The following TASP1 variants were observed in gnomAD, a reference collection of about 807,000 sequenced individuals.
The protein encoded by TASP1 is taspase 1.
In TASP1, 16 loss-of-function variants were observed where a neutral mutation model predicts 56.6. The ratio of observed to expected loss-of-function variants is 0.28; its 90% confidence interval spans 0.19 to 0.43. TASP1 has a LOEUF of 0.43. TASP1 is among the 20% of genes least tolerant of loss of function. TASP1 has a pLI of 1.00. For missense variants in TASP1, 393 were observed against 511.6 expected, an observed-to-expected ratio of 0.77 and a Z score of 2.24; for synonymous variants, 179 against 184.2, an observed-to-expected ratio of 0.97 and a Z score of 0.23.
At chr20:13,316,086 C>T in the TASP1 span, among the ~76,000 whole-genome samples, 1 of 151,856 alleles carries the variant, frequency 6.6e-6, no homozygotes, top group South Asian at 2.1e-4. Flanking sequence ...GTACAAATTA[C>T]TAATATCAGA....
At chr20:13,342,888 C>T in the TASP1 span, among the ~76,000 whole-genome samples, 5 of 152,216 alleles carry the variant, frequency 3.3e-5, no homozygotes, top group Admixed American at 3.3e-4. Context: ...TCACCCCTTC[C>T]AAAAACCCAC....
the TASP1 span, among the ~76,000 whole-genome samples, chr20:13,357,999 A>C: frequency 1.3e-5 from 2 of 152,278 alleles, no homozygotes; most frequent in South Asian, 4.1e-4. Context: ...GCCGCACCTT[A>C]ACTGATGAAA....
At chr20:13,577,921 G>C (rs192252862) in intron 6 of TASP1, among the ~76,000 whole-genome samples, 3 of 152,172 alleles carry the variant, frequency 2.0e-5, no homozygotes, top group Admixed American at 1.3e-4. Context: ...AGCCATTGAT[G>C]GATATTTAGG....
chr20:13,293,416 T>A, the TASP1 span, among the ~76,000 whole-genome samples: 9 of 152,194 alleles, frequency 5.9e-5, no homozygotes, highest in South Asian at 1.2e-3. Context: ...ATTCCTTCTG[T>A]CCCATATCTT....
chr20:13,396,047 T>C (rs1304732382), intron 13 of TASP1, among the ~76,000 whole-genome samples: 1 of 152,158 alleles, frequency 6.6e-6, no homozygotes, highest in Non-Finnish European at 1.5e-5. Context: ...CTTAAATGAC[T>C]AAGTCCAGAG....
At chr20:13,235,821 T>C in the TASP1 span, among the ~76,000 whole-genome samples, 1 of 152,182 alleles carries the variant, frequency 6.6e-6, no homozygotes, top group African/African-American at 2.4e-5. Context: ...CTTTCCCTGA[T>C]GAAAGGGCAC....
At chr20:13,292,444 C>T in the TASP1 span, 12 of 1,601,882 alleles carry the variant, frequency 7.5e-6, no homozygotes, top group Non-Finnish European at 1.0e-5. Flanking sequence ...AGTTTAATGC[C>T]ACCAAACTGT....
the TASP1 span, among the ~76,000 whole-genome samples, chr20:13,340,689 C>T: frequency 6.6e-6 from 1 of 152,150 alleles, no homozygotes; most frequent in African/African-American, 2.4e-5. Flanking sequence ...ATTCCACTCT[C>T]TTAGTGATTT....
the TASP1 span, among the ~76,000 whole-genome samples, chr20:13,253,536 T>G: frequency 6.6e-6 from 1 of 152,188 alleles, no homozygotes; most frequent in Non-Finnish European, 1.5e-5. Flanking sequence ...GTTCCTCACC[T>G]TCTCTTGGTG....
the TASP1 span, among the ~76,000 whole-genome samples, chr20:13,150,532 G>A: frequency 0.015 from 2,313 of 152,220 alleles, 25 homozygotes; most frequent in South Asian, 0.027. Flanking sequence ...CCAAAGTAAA[G>A]GTTTTCAATG....
intron 11 of TASP1, among the ~76,000 whole-genome samples, chr20:13,477,058 G>A (rs867121137): frequency 6.6e-6 from 1 of 152,228 alleles, no homozygotes; most frequent in South Asian, 2.1e-4. Context: ...AGAAATTCAT[G>A]AAATGATGAT....
chr20:13,356,824 G>A, the TASP1 span, among the ~76,000 whole-genome samples: 1 of 152,260 alleles, frequency 6.6e-6, no homozygotes, highest in African/African-American at 2.4e-5. Flanking sequence ...AGTCTGTCAA[G>A]GTGGTGCTCT....
rs1290952713 is a variant in TASP1, at chr20:13,584,760, A to AGCTT, written c.403+2489_403+2490insAAGC. On this transcript the variant is annotated intron_variant, in intron 5 of 13. Transcript: ENST00000337743. ...TGGCCACAGTGGAATTAAACTAGAA[A>AGCTT]TCAACAAAGAAAGCTAACTAAAATG... Among the ~76,000 whole-genome samples the AGCTT allele has an allele frequency of 5.0e-4, 76 of 152,330 alleles. 1 individual carries two copies. The East Asian group carries it at 0.01, about 20-fold the overall frequency.
the TASP1 span, among the ~76,000 whole-genome samples, chr20:13,330,951 G>C: frequency 2.0e-5 from 3 of 152,052 alleles, no homozygotes; most frequent in African/African-American, 7.2e-5. Flanking sequence ...CAAAGAACCA[G>C]CTTTTGGTTT....
At chr20:13,216,404 G>T in the TASP1 span, among the ~76,000 whole-genome samples, 6 of 152,182 alleles carry the variant, frequency 3.9e-5, no homozygotes, top group Non-Finnish European at 1.5e-5. Context: ...TAGGACAGCG[G>T]TTGACAAACT....
At chr20:13,142,112 C>A in the TASP1 span, among the ~76,000 whole-genome samples, 17 of 152,300 alleles carry the variant, frequency 1.1e-4, no homozygotes, top group Middle Eastern at 3.4e-3. Flanking sequence ...AAAGAGTTAG[C>A]CAAGGGTAGA....
At chr20:13,422,053 G>A (rs867289037) in intron 12 of TASP1, among the ~76,000 whole-genome samples, 3 of 147,600 alleles carry the variant, frequency 2.0e-5, no homozygotes, top group South Asian at 2.1e-4. Flanking sequence ...CCGGGTTCAC[G>A]CCATTCTCCT....
At chr20:13,580,745 CT>C (rs2047091257) in intron 6 of TASP1, 151 bp downstream of exon 6, 1 of 661,886 alleles carries the variant, frequency 1.5e-6, no homozygotes, top group Non-Finnish European at 2.6e-6. Context: ...CTATCCAAAA[CT>C]TTATTAGCTG....
chr20:13,594,102 T>C (rs1187753613), intron 4 of TASP1, among the ~76,000 whole-genome samples: 1 of 152,160 alleles, frequency 6.6e-6, no homozygotes, highest in African/African-American at 2.4e-5. Context: ...AGTGGACCTC[T>C]AGCAAATTCC....
Sources: gnomAD v4.1 joint callset for allele counts (sites outside exome capture counted in the v4.1 genomes callset) on GRCh38, gnomAD v4.1.1 for gene constraint, MANE v1.5 for transcripts, NCBI Gene and HGNC (gene_info 2026-07-23, HGNC 2026-07-21) for gene names.